The following KCNIP1 variants were observed in gnomAD, a reference collection of about 807,000 sequenced individuals.
KCNIP1 encodes potassium voltage-gated channel interacting protein 1, also known as A-type potassium channel modulatory protein KCNIP1.
In KCNIP1, 18 loss-of-function variants were observed where a neutral mutation model predicts 33.0. The ratio of observed to expected loss-of-function variants is 0.55; its 90% CI spans 0.38 to 0.81. The LOEUF (loss-of-function observed/expected upper bound fraction) is 0.81, where lower values mean the gene tolerates loss of function less well. Among genes scored for constraint, KCNIP1 ranks in the 30% least tolerant of loss-of-function variants. KCNIP1 has a pLI of 0.00. For synonymous variants in KCNIP1, 93 were observed against 98.3 expected (o/e 0.95, Z 0.32); for missense variants, 238 against 271.6 (o/e 0.88, Z 0.87).
chr5:170,508,598 T>A (rs902144100), intron 1 of KCNIP1, among the ~76,000 whole-genome samples: 2 of 152,256 alleles, frequency 1.3e-5, no homozygotes, highest in Non-Finnish European at 2.9e-5. Flanking sequence ...AAATGCTAGT[T>A]TCTTTATCTG....
chr5:170,709,176 T>C (rs957229906), intron 1 of KCNIP1, among the ~76,000 whole-genome samples: 1 of 152,244 alleles, frequency 6.6e-6, no homozygotes, highest in Non-Finnish European at 1.5e-5. Flanking sequence ...TTCTTAATTA[T>C]GTTGCTCAGA....
chr5:170,725,714 A>G (rs988802709), intron 5 of KCNIP1, among the ~76,000 whole-genome samples: 4 of 152,190 alleles, frequency 2.6e-5, no homozygotes, highest in African/African-American at 9.6e-5. Flanking sequence ...ATGGATACCC[A>G]TTTTTCATGA....
chr5:170,668,054 T>G (rs771246435), intron 1 of KCNIP1, among the ~76,000 whole-genome samples: 2 of 152,222 alleles, frequency 1.3e-5, no homozygotes, highest in Non-Finnish European at 2.9e-5. Context: ...TTTCACAGGT[T>G]TTATCCCTAA....
intron 1 of KCNIP1, among the ~76,000 whole-genome samples, chr5:170,663,269 A>C (rs1447771102): frequency 1.3e-5 from 2 of 152,296 alleles, no homozygotes; most frequent in South Asian, 4.1e-4. Context: ...TTTGACTTTA[A>C]AGTCCCAGCC....
At chr5:170,698,149 G>A (rs993015432) in intron 1 of KCNIP1, among the ~76,000 whole-genome samples, 3 of 152,184 alleles carry the variant, frequency 2.0e-5, no homozygotes, top group Non-Finnish European at 4.4e-5. Flanking sequence ...AAACCGCCAT[G>A]TGGTAAGCAC....
At chr5:170,702,687 G>A (rs2113839129) in intron 1 of KCNIP1, among the ~76,000 whole-genome samples, 1 of 152,248 alleles carries the variant, frequency 6.6e-6, no homozygotes, top group East Asian at 1.9e-4. Flanking sequence ...CCTTAGGGTG[G>A]TCCCTTGAGG....
intron 1 of KCNIP1, among the ~76,000 whole-genome samples, chr5:170,526,788 T>C (rs1755590010): frequency 1.3e-5 from 2 of 149,122 alleles, no homozygotes; most frequent in South Asian, 4.3e-4. Flanking sequence ...AGTGGCGCGA[T>C]CTCAGCTCAG....
chr5:170,367,365 GAAA>G (rs1561586759), intron 1 of KCNIP1, among the ~76,000 whole-genome samples: 7 of 82,118 alleles, frequency 8.5e-5, no homozygotes, highest in Non-Finnish European at 1.5e-4. Flanking sequence ...AAGAAAGAAA[GAAA>G]GAAAGAAAGA....
At chr5:170,501,737 C>T (rs938255922), upstream of KCNIP1, among the ~76,000 whole-genome samples, 6 of 152,220 alleles carry the variant, frequency 3.9e-5, no homozygotes, top group Non-Finnish European at 5.9e-5. Context: ...AGTGGTATCC[C>T]TGACAAGTTG....
At chr5:170,469,739 T>G (rs1486412957) in intron 1 of KCNIP1, among the ~76,000 whole-genome samples, 1 of 152,222 alleles carries the variant, frequency 6.6e-6, no homozygotes, top group African/African-American at 2.4e-5. Context: ...CACCTTTATC[T>G]AGCAATGAAT....
intron 1 of KCNIP1, among the ~76,000 whole-genome samples, chr5:170,690,200 C>A (rs1432512268): frequency 6.6e-6 from 1 of 152,172 alleles, no homozygotes; most frequent in Non-Finnish European, 1.5e-5. Flanking sequence ...CTTCCTCACA[C>A]CTTGGAATGC....
In KCNIP1 at chr5:170,378,597, A is replaced by T. The variant is rs79790664; in HGVS notation, c.88+24633A>T. 1,061 of 1,159,620 alleles carry T rather than the reference A, an allele frequency of 9.1e-4. 3 individuals are homozygous for T. Among genetic ancestry groups the T allele is most frequent in the Non-Finnish European group, 1.2e-3 (969 of 815,614 alleles). The allele number at this position is 1,159,620 out of a possible 1,614,324, so 71.8% of individuals were successfully genotyped here. On this transcript the variant is annotated intron_variant, in intron 1 of 7. Coordinates refer to the KCNIP1 transcript ENST00000377360. ...AAGACAGCGTGGATTGGACTGGAAG[A>T]GTGGGAGGGCAGGTGGAGAAGGCAT...
chr5:170,484,429 T>G (rs1460528358), intron 1 of KCNIP1, among the ~76,000 whole-genome samples: 1 of 152,024 alleles, frequency 6.6e-6, no homozygotes, highest in Non-Finnish European at 1.5e-5. Context: ...GGCAGGTGAC[T>G]CCCAGCCAGC....
intron 1 of KCNIP1, among the ~76,000 whole-genome samples, chr5:170,711,545 A>T (rs1763443497): frequency 1.3e-5 from 2 of 152,228 alleles, no homozygotes; most frequent in African/African-American, 4.8e-5. Flanking sequence ...ATGAACTCTA[A>T]TGTAAACTAT....
chr5:170,591,330 G>T (rs1561704800), intron 1 of KCNIP1, among the ~76,000 whole-genome samples: 2 of 152,098 alleles, frequency 1.3e-5, no homozygotes, highest in Non-Finnish European at 2.9e-5. Context: ...GTATTCTCAG[G>T]ACTTGGACAG....
chr5:170,595,153 G>C (rs552350403), intron 1 of KCNIP1, among the ~76,000 whole-genome samples: 1 of 152,346 alleles, frequency 6.6e-6, no homozygotes, highest in African/African-American at 2.4e-5. Flanking sequence ...GGTATTCATT[G>C]GTTGTGATGG....
chr5:170,507,722 G>T (rs546510055), intron 1 of KCNIP1, among the ~76,000 whole-genome samples: 14 of 152,206 alleles, frequency 9.2e-5, no homozygotes, highest in Non-Finnish European at 1.9e-4. Context: ...TGCATGATTA[G>T]TGCTGCAAGA....
intron 1 of KCNIP1, among the ~76,000 whole-genome samples, chr5:170,567,853 G>A (rs999812675): frequency 5.9e-5 from 9 of 152,172 alleles, no homozygotes; most frequent in African/African-American, 1.7e-4. Context: ...ACAGCAACAC[G>A]TCCCACTGCA....
intron 6 of KCNIP1, among the ~76,000 whole-genome samples, 196 bp from the exon 7 acceptor site, chr5:170,733,640 A>G (rs1764285553): frequency 6.6e-6 from 1 of 152,178 alleles, no homozygotes; most frequent in Admixed American, 6.5e-5. Context: ...ATGGGGCTCA[A>G]AGTGTTGTAA....
Sources: gnomAD v4.1 joint callset for allele counts (sites outside exome capture counted in the v4.1 genomes callset) on GRCh38, gnomAD v4.1.1 for gene constraint, MANE v1.5 for transcripts, NCBI Gene and HGNC (gene_info 2026-07-23, HGNC 2026-07-21) for gene names.